Variants in CADM2 observed in about 807,000 individuals in gnomAD.
The protein encoded by CADM2 is immunoglobulin superfamily member 4D.
Under a neutral mutation model 49.8 loss-of-function variants are expected in CADM2, and 12 were observed. That is an observed-to-expected ratio of 0.24 (90% CI 0.15 to 0.39). The LOEUF (loss-of-function observed/expected upper bound fraction) is 0.39, where lower values mean the gene tolerates loss of function less well. CADM2 is among the 10% of genes least tolerant of loss of function. The probability of loss-of-function intolerance (pLI) is 1.00; values close to 1 mark genes in which losing one functional copy is unlikely to be tolerated. For missense variants in CADM2, 378 were observed against 492.3 expected (o/e 0.77, Z 2.20); for synonymous variants, 214 against 175.4 (o/e 1.22, Z -1.74).
At chr3:85,552,773 T>A (rs961401843) in intron 1 of CADM2, among the ~76,000 whole-genome samples, 9 of 151,800 alleles carry the variant, frequency 5.9e-5, no homozygotes, top group Non-Finnish European at 1.3e-4. Context: ...GCCTCCCGGG[T>A]TCAAGTGATT....
At chr3:85,329,085 A>T (rs1039424183) in intron 1 of CADM2, among the ~76,000 whole-genome samples, 9 of 152,136 alleles carry the variant, frequency 5.9e-5, no homozygotes, top group Non-Finnish European at 1.2e-4. Context: ...AAATAAATGT[A>T]TAGGGAGATA....
In CADM2 at chr3:86,071,872, CTT is replaced by C. The variant is rs1703297034; in HGVS notation, c.*5091_*5092del. The C allele has an allele frequency of 6.6e-6, 1 of 151,870 alleles. No homozygotes were observed. Among genetic ancestry groups the C allele is most frequent in the Non-Finnish European group, 1.5e-5 (1 of 67,868 alleles). The allele number at this position is 151,870 out of a possible 1,614,324, so 9.4% of individuals were successfully genotyped here. A position where few individuals can be genotyped will look rare whatever the true frequency, so the allele number is the denominator to read the frequency against. On this transcript the variant is annotated 3_prime_UTR_variant, in exon 10 of 10. Coordinates refer to ENST00000383699, the MANE Select transcript of CADM2 (RefSeq NM_001167675.2). ...TTTAAAAATAATTAAAATGGCAACA[CTT>C]TGCGATCCAATCTGATATTTAATTT...
intron 1 of CADM2, among the ~76,000 whole-genome samples, chr3:85,466,725 T>A (rs2038509018): frequency 6.6e-6 from 1 of 152,130 alleles, no homozygotes; most frequent in South Asian, 2.1e-4. Flanking sequence ...GTAATTCAGT[T>A]CTTTTTTCAA....
intron 8 of CADM2, among the ~76,000 whole-genome samples, chr3:86,027,721 G>A (rs1167339257): frequency 6.6e-6 from 1 of 151,960 alleles, no homozygotes; most frequent in East Asian, 1.9e-4. Flanking sequence ...TGAAAAATAT[G>A]TAATAATAAT....
intron 1 of CADM2, among the ~76,000 whole-genome samples, chr3:85,324,615 GTTATT>G (rs974633217): frequency 2.6e-5 from 4 of 151,948 alleles, no homozygotes; most frequent in African/African-American, 7.3e-5. Context: ...TTGTTCCTGC[GTTATT>G]TTAACTATAA....
intron 1 of CADM2, among the ~76,000 whole-genome samples, chr3:85,694,062 C>A (rs2066475228): frequency 6.6e-6 from 1 of 151,894 alleles, no homozygotes. Flanking sequence ...ATCCCTTTGA[C>A]TTTTTAGCAC....
At chr3:85,341,708 C>CA (rs1175892643) in intron 1 of CADM2, among the ~76,000 whole-genome samples, 2 of 151,458 alleles carry the variant, frequency 1.3e-5, no homozygotes, top group Non-Finnish European at 3.0e-5. Flanking sequence ...GTCAAAAACA[C>CA]ACAAAAAAAG....
intron 3 of CADM2, among the ~76,000 whole-genome samples, chr3:85,840,731 C>G (rs1027924204): frequency 6.6e-6 from 1 of 151,742 alleles, no homozygotes; most frequent in South Asian, 2.1e-4. Flanking sequence ...TGGCCTATAT[C>G]ATAATTAATG....
At chr3:85,244,836 T>C (rs1218254259) in intron 1 of CADM2, among the ~76,000 whole-genome samples, 1 of 152,228 alleles carries the variant, frequency 6.6e-6, no homozygotes, top group Non-Finnish European at 1.5e-5. Context: ...GAAATATTAC[T>C]GGGCTTTGAT....
intron 8 of CADM2, among the ~76,000 whole-genome samples, chr3:85,965,049 A>G (rs529681662): frequency 5.3e-5 from 8 of 151,618 alleles, no homozygotes; most frequent in South Asian, 2.1e-4. Flanking sequence ...GTACTTATCT[A>G]CCAGGTACAA....
intron 1 of CADM2, among the ~76,000 whole-genome samples, chr3:85,437,814 C>G (rs2037002923): frequency 6.6e-6 from 1 of 151,898 alleles, no homozygotes; most frequent in Non-Finnish European, 1.5e-5. Context: ...CCATCAGAAG[C>G]AACTCATAGA....
At chr3:85,012,074 G>GTTTTTTTTTTT (rs1193075907) in intron 1 of CADM2, among the ~76,000 whole-genome samples, 1 of 143,728 alleles carries the variant, frequency 7.0e-6, no homozygotes, top group African/African-American at 2.5e-5. Flanking sequence ...GAAGGGCCTG[G>GTTTTTTTTTTT]TTTTTTTTTT....
intron 8 of CADM2, among the ~76,000 whole-genome samples, chr3:86,048,763 T>C (rs1449035347): frequency 6.6e-6 from 1 of 152,164 alleles, no homozygotes; most frequent in Non-Finnish European, 1.5e-5. Flanking sequence ...GTTTACATTG[T>C]ACAAACAAGG....
intron 1 of CADM2, among the ~76,000 whole-genome samples, chr3:85,242,626 T>C (rs2107838944): frequency 6.6e-6 from 1 of 151,922 alleles, no homozygotes; most frequent in South Asian, 2.1e-4. Context: ...AATTTGTTGT[T>C]TTACCTCATC....
At chr3:85,763,148 T>C (rs1414862881) in intron 2 of CADM2, among the ~76,000 whole-genome samples, 1 of 152,132 alleles carries the variant, frequency 6.6e-6, no homozygotes, top group Non-Finnish European at 1.5e-5. Flanking sequence ...GACTGCATCA[T>C]TGCAATACTC....
intron 3 of CADM2, among the ~76,000 whole-genome samples, chr3:85,854,511 C>A (rs2075229870): frequency 6.6e-6 from 1 of 152,132 alleles, no homozygotes; most frequent in South Asian, 2.1e-4. Flanking sequence ...CCATAATTCT[C>A]AGCAAACTAA....
chr3:85,407,984 C>A (rs576765978), intron 1 of CADM2, among the ~76,000 whole-genome samples: 1 of 119,150 alleles, frequency 8.4e-6, no homozygotes, highest in East Asian at 2.6e-4. Context: ...CAAGACCCTG[C>A]CTCTTTAAAC....
intron 1 of CADM2, among the ~76,000 whole-genome samples, chr3:85,421,811 A>T (rs537415444): frequency 6.6e-6 from 1 of 152,352 alleles, no homozygotes; most frequent in South Asian, 2.1e-4. Context: ...AAAGGGCAGC[A>T]ATTACACAAG....
At chr3:85,589,317 A>G (rs1188237785) in intron 1 of CADM2, among the ~76,000 whole-genome samples, 1 of 152,034 alleles carries the variant, frequency 6.6e-6, no homozygotes, top group African/African-American at 2.4e-5. Context: ...TAAAACCTCA[A>G]TTACTTAGGC....
Sources: gnomAD v4.1 joint callset for allele counts (sites outside exome capture counted in the v4.1 genomes callset) on GRCh38, gnomAD v4.1.1 for gene constraint, MANE v1.5 for transcripts, NCBI Gene and HGNC (gene_info 2026-07-23, HGNC 2026-07-21) for gene names.